HS3ST4: variants seen among roughly 807,000 people sequenced by gnomAD.
The protein encoded by HS3ST4 is heparan sulfate glucosamine 3-O-sulfotransferase 4.
HS3ST4 carries 17 observed loss-of-function variants against 29.2 expected under a neutral mutation model. The ratio of observed to expected loss-of-function variants is 0.58; its 90% CI spans 0.40 to 0.87. The LOEUF (loss-of-function observed/expected upper bound fraction) is 0.87. HS3ST4 is among the 40% of genes least tolerant of loss of function. HS3ST4 has a pLI of 0.00. For synonymous variants in HS3ST4, 314 were observed against 285.7 expected, an observed-to-expected ratio of 1.10 and a Z score of -1.00; for missense variants, 627 against 634.5, an observed-to-expected ratio of 0.99 and a Z score of 0.13.
intron 1 of HS3ST4, among the ~76,000 whole-genome samples, chr16:25,906,676 G>T (rs536693195): frequency 1.3e-5 from 2 of 152,180 alleles, no homozygotes; most frequent in Non-Finnish European, 2.9e-5. Flanking sequence ...AGGAAAATAG[G>T]ACAGACAGAA....
intron 1 of HS3ST4, among the ~76,000 whole-genome samples, chr16:26,098,636 T>A (rs1325744360): frequency 1.3e-5 from 2 of 151,714 alleles, no homozygotes; most frequent in Non-Finnish European, 2.9e-5. Context: ...CTAATGTAAA[T>A]GACGAGTTGA....
chr16:25,762,876 CAAAAAAAAAAAA>C (rs67260535), intron 1 of HS3ST4, among the ~76,000 whole-genome samples: 1 of 60,480 alleles, frequency 1.7e-5, no homozygotes, highest in African/African-American at 6.1e-5. Context: ...GACCCTGTCT[CAAAAAAAAAAAA>C]AAAAAAAAAA....
chr16:25,767,991 CATG>C (rs1966832059), intron 1 of HS3ST4, among the ~76,000 whole-genome samples: 1 of 152,108 alleles, frequency 6.6e-6, no homozygotes, highest in Admixed American at 6.6e-5. Context: ...TCTTGGAACT[CATG>C]GTGGAGATGA....
chr16:25,996,969 G>T (rs1391297144), intron 1 of HS3ST4, among the ~76,000 whole-genome samples: 1 of 152,050 alleles, frequency 6.6e-6, no homozygotes, highest in Non-Finnish European at 1.5e-5. Flanking sequence ...GTGGTTTAAT[G>T]CATTTTAAGT....
chr16:26,113,274 G>A (rs1242177429), intron 1 of HS3ST4, among the ~76,000 whole-genome samples: 2 of 151,906 alleles, frequency 1.3e-5, no homozygotes, highest in Non-Finnish European at 2.9e-5. Context: ...GTGAAACTCC[G>A]TCTCTACTAA....
intron 1 of HS3ST4, among the ~76,000 whole-genome samples, chr16:25,765,724 G>T (rs1241278626): frequency 6.6e-6 from 1 of 152,182 alleles, no homozygotes; most frequent in Non-Finnish European, 1.5e-5. Context: ...CCTGCTAATG[G>T]GCAGAGCCCC....
chr16:25,941,814 G>T (rs866474427), intron 1 of HS3ST4, among the ~76,000 whole-genome samples: 2 of 150,818 alleles, frequency 1.3e-5, no homozygotes, highest in Admixed American at 6.6e-5. Flanking sequence ...CTGACCTTGT[G>T]ATCCTCCCAC....
At chr16:26,029,406 A>C (rs942844574) in intron 1 of HS3ST4, among the ~76,000 whole-genome samples, 41 of 151,804 alleles carry the variant, frequency 2.7e-4, no homozygotes, top group African/African-American at 9.4e-4. Context: ...TTCATTTTGC[A>C]AGGGGTAGTT....
chr16:26,063,066 C>T, intron 1 of HS3ST4: 1 of 162,788 alleles, frequency 6.1e-6, no homozygotes, highest in Non-Finnish European at 1.3e-5. Flanking sequence ...CAATACTTGG[C>T]CAAAGAGCAG....
intron 1 of HS3ST4, among the ~76,000 whole-genome samples, chr16:25,895,517 T>G (rs1190316930): frequency 6.6e-6 from 1 of 151,528 alleles, no homozygotes; most frequent in African/African-American, 2.4e-5. Flanking sequence ...AGAGAAGGAA[T>G]GGAAACTGGA....
chr16:25,789,396 T>C (rs1966863423), intron 1 of HS3ST4, among the ~76,000 whole-genome samples: 1 of 148,464 alleles, frequency 6.7e-6, no homozygotes, highest in Admixed American at 6.8e-5. Flanking sequence ...TTTCTCTTTC[T>C]TTGTTTTTTC....
chr16:25,886,027 GTTTTTTTTTT>G (rs34713423), intron 1 of HS3ST4, among the ~76,000 whole-genome samples: 2 of 82,760 alleles, frequency 2.4e-5, no homozygotes, highest in African/African-American at 9.6e-5. Flanking sequence ...TCTTACTGTG[GTTTTTTTTTT>G]TTTTTTTTTT....
chr16:25,828,301 C>CTCCCTCTCTCTCTCT (rs1555467593), intron 1 of HS3ST4, among the ~76,000 whole-genome samples: 2 of 32,898 alleles, frequency 6.1e-5, no homozygotes, highest in Non-Finnish European at 5.5e-5. Flanking sequence ...TCTTTCTTTC[C>CTCCCTCTCTCTCTCT]CTCTCTCTCT....
At chr16:25,814,760 C>T (rs1288332835) in intron 1 of HS3ST4, among the ~76,000 whole-genome samples, 1 of 152,200 alleles carries the variant, frequency 6.6e-6, no homozygotes, top group Non-Finnish European at 1.5e-5. Flanking sequence ...CATGGTACCC[C>T]ATCTTTTCCA....
At chr16:26,008,689 C>T (rs1350718348) in intron 1 of HS3ST4, among the ~76,000 whole-genome samples, 1 of 152,006 alleles carries the variant, frequency 6.6e-6, no homozygotes, top group Non-Finnish European at 1.5e-5. Flanking sequence ...TGTGGTGGTG[C>T]CTGCCTGTAA....
At chr16:25,928,458 A>T (rs1023462270) in intron 1 of HS3ST4, among the ~76,000 whole-genome samples, 2 of 152,204 alleles carry the variant, frequency 1.3e-5, no homozygotes, top group Non-Finnish European at 2.9e-5. Flanking sequence ...AAATCACAAA[A>T]GTACCCTTAA....
At chr16:25,793,512 C>T (rs1416357773) in intron 1 of HS3ST4, among the ~76,000 whole-genome samples, 3 of 151,928 alleles carry the variant, frequency 2.0e-5, no homozygotes, top group Non-Finnish European at 4.4e-5. Context: ...GAAGGAATGA[C>T]CCTTTCATCA....
intron 1 of HS3ST4, among the ~76,000 whole-genome samples, chr16:25,727,574 A>C (rs1180788189): frequency 1.3e-5 from 2 of 152,208 alleles, no homozygotes; most frequent in Non-Finnish European, 2.9e-5. Context: ...GAGGATTTTG[A>C]ACCAAGTTCT....
At chr16:26,130,237 C>T (rs529581444) in intron 1 of HS3ST4, among the ~76,000 whole-genome samples, 5 of 152,272 alleles carry the variant, frequency 3.3e-5, no homozygotes, top group Non-Finnish European at 5.9e-5. Context: ...ATACTGTTAA[C>T]GAGCTGTGCC....
Sources: allele counts gnomAD v4.1 joint callset (sites outside exome capture counted in the v4.1 genomes callset), GRCh38; gene constraint gnomAD v4.1.1; transcripts MANE v1.5; gene names NCBI Gene and HGNC (gene_info 2026-07-23, HGNC 2026-07-21).